MAP3K5: variants seen among roughly 807,000 people sequenced by gnomAD.
The protein encoded by MAP3K5 is ASK-1.
In MAP3K5, 56 loss-of-function variants were observed where a neutral mutation model predicts 158.7. The ratio of observed to expected loss-of-function variants is 0.35; its 90% CI spans 0.28 to 0.44. The LOEUF is 0.44. Among genes scored for constraint, MAP3K5 ranks in the 20% least tolerant of loss-of-function variants. The pLI, the probability that MAP3K5 is intolerant of heterozygous loss-of-function variation, is 1.00. For synonymous variants in MAP3K5, 579 were observed against 601.7 expected (o/e 0.96, Z 0.55); for missense variants, 1,294 against 1,674.8 (o/e 0.77, Z 3.97).
chr6:136,675,089 TAA>T (rs1779649236), intron 7 of MAP3K5, among the ~76,000 whole-genome samples: 1 of 151,658 alleles, frequency 6.6e-6, no homozygotes, highest in Admixed American at 6.6e-5. Context: ...AAAATTATTA[TAA>T]GAGAAAAAAG....
chr6:136,612,457 T>C (rs1216417224), intron 17 of MAP3K5, among the ~76,000 whole-genome samples: 13 of 152,220 alleles, frequency 8.5e-5, no homozygotes, highest in Non-Finnish European at 1.5e-5. Flanking sequence ...TTACTTTCTT[T>C]TCTATGTTTC....
chr6:136,656,508 C>T, intron 9 of MAP3K5, 48 bp from the exon 10 acceptor site: 1 of 1,226,264 alleles, frequency 8.2e-7, no homozygotes, highest in Non-Finnish European at 1.1e-6. Context: ...TTTAGAACCA[C>T]CTGTTCCCAT....
intron 1 of MAP3K5, among the ~76,000 whole-genome samples, chr6:136,755,138 A>G (rs1365539065): frequency 2.0e-5 from 3 of 151,884 alleles, no homozygotes; most frequent in Non-Finnish European, 4.4e-5. Flanking sequence ...ATTCTCTTAC[A>G]TGAAAAAAAA....
At chr6:136,651,755 T>TA (rs1778528091) in intron 10 of MAP3K5, among the ~76,000 whole-genome samples, 1 of 152,178 alleles carries the variant, frequency 6.6e-6, no homozygotes, top group Non-Finnish European at 1.5e-5. Context: ...TGAAGCTCTA[T>TA]AAGGGGTATG....
intron 23 of MAP3K5, among the ~76,000 whole-genome samples, chr6:136,590,019 G>A (rs1775314454): frequency 6.6e-6 from 1 of 152,218 alleles, no homozygotes; most frequent in Admixed American, 6.5e-5. Flanking sequence ...TTTGGGTCAT[G>A]AGGCTCATGA....
chr6:136,700,084 G>T (rs553455066), intron 3 of MAP3K5, among the ~76,000 whole-genome samples: 43 of 151,914 alleles, frequency 2.8e-4, no homozygotes, highest in African/African-American at 9.9e-4. Flanking sequence ...GAGAACGAAA[G>T]AATGAACAAA....
At chr6:136,681,458 A>AC (rs964817796) in intron 7 of MAP3K5, among the ~76,000 whole-genome samples, 5 of 152,086 alleles carry the variant, frequency 3.3e-5, no homozygotes, top group African/African-American at 1.2e-4. Context: ...ACACAGTGAG[A>AC]CCCCATCTCT....
At chr6:136,733,970 C>T (rs957771373) in intron 1 of MAP3K5, among the ~76,000 whole-genome samples, 7 of 152,272 alleles carry the variant, frequency 4.6e-5, no homozygotes, top group Admixed American at 2.0e-4. Context: ...TAAAAATCCT[C>T]CAGACTTTGC....
intron 2 of MAP3K5, among the ~76,000 whole-genome samples, chr6:136,705,988 TG>T (rs745311099): frequency 3.5e-4 from 53 of 152,244 alleles, no homozygotes; most frequent in Non-Finnish European, 1.5e-4. Context: ...CCGGGTGCAG[TG>T]GCTCATGCCT....
intron 2 of MAP3K5, among the ~76,000 whole-genome samples, chr6:136,708,825 A>C (rs1781184910): frequency 6.6e-6 from 1 of 152,200 alleles, no homozygotes; most frequent in South Asian, 2.1e-4. Context: ...AATTTTTCAA[A>C]CTTGATCTAT....
chr6:136,640,444 A>C (rs1777871906), intron 12 of MAP3K5, among the ~76,000 whole-genome samples: 1 of 152,156 alleles, frequency 6.6e-6, no homozygotes, highest in South Asian at 2.1e-4. Context: ...TGGTCCTTCC[A>C]TTTGGAATGC....
chr6:136,672,518 C>T (rs1051626799), intron 7 of MAP3K5, among the ~76,000 whole-genome samples: 2 of 152,106 alleles, frequency 1.3e-5, no homozygotes, highest in Non-Finnish European at 2.9e-5. Context: ...GAATGAAACC[C>T]GAAGGAGTCC....
At chr6:136,779,931 G>A (rs559008503) in intron 1 of MAP3K5, among the ~76,000 whole-genome samples, 56 of 152,304 alleles carry the variant, frequency 3.7e-4, no homozygotes, top group African/African-American at 1.3e-3. Context: ...CAGGGCAAAC[G>A]GCTTCAGATG....
At chr6:136,695,474 G>T (rs1037681760) in intron 6 of MAP3K5, among the ~76,000 whole-genome samples, 10 of 152,082 alleles carry the variant, frequency 6.6e-5, no homozygotes, top group African/African-American at 2.4e-4. Flanking sequence ...TTATAAAAAA[G>T]GTATCATTTC....
intron 8 of MAP3K5, among the ~76,000 whole-genome samples, chr6:136,663,564 GA>G (rs1319778917): frequency 6.7e-6 from 1 of 149,896 alleles, no homozygotes; most frequent in African/African-American, 2.5e-5. Flanking sequence ...TCCAATCAAG[GA>G]ACATTAATTG....
intron 28 of MAP3K5, 62 bp from the exon 29 acceptor site, chr6:136,558,938 C>G: frequency 1.2e-6 from 1 of 828,536 alleles, no homozygotes; most frequent in Non-Finnish European, 2.1e-6. Flanking sequence ...AGCACAAACT[C>G]TATTCATAAT....
chr6:136,718,830 T>C (rs1425103379), intron 2 of MAP3K5, among the ~76,000 whole-genome samples: 1 of 151,960 alleles, frequency 6.6e-6, no homozygotes, highest in Non-Finnish European at 1.5e-5. Flanking sequence ...AGCAAAAAAA[T>C]GTAGAAAGTA....
intron 2 of MAP3K5, among the ~76,000 whole-genome samples, chr6:136,710,171 T>A (rs1302744156): frequency 6.6e-6 from 1 of 152,176 alleles, no homozygotes; most frequent in African/African-American, 2.4e-5. Flanking sequence ...GAGCAGAGAA[T>A]GCTTAATTTG....
chr6:136,579,741 G>A (rs775194720), intron 25 of MAP3K5: 25 of 451,942 alleles, frequency 5.5e-5, no homozygotes, highest in Non-Finnish European at 1.0e-4. Flanking sequence ...TAAGGGGTAT[G>A]TGCAAAATCT....
Sources: gnomAD v4.1 joint callset for allele counts (sites outside exome capture counted in the v4.1 genomes callset) on GRCh38, gnomAD v4.1.1 for gene constraint, MANE v1.5 for transcripts, NCBI Gene and HGNC (gene_info 2026-07-23, HGNC 2026-07-21) for gene names.